STXBP5L: variants seen among roughly 807,000 people sequenced by gnomAD.
The protein encoded by STXBP5L is syntaxin-binding protein 5-like.
In STXBP5L, 65 loss-of-function variants were observed where a neutral mutation model predicts 144.5. The ratio of observed to expected loss-of-function variants is 0.45; its 90% CI spans 0.37 to 0.55. STXBP5L has a LOEUF of 0.55. STXBP5L is among the 20% of genes least tolerant of loss of function. STXBP5L has a pLI of 0.00. For missense variants in STXBP5L, 1,298 were observed against 1,405.5 expected (o/e 0.92, Z 1.22); for synonymous variants, 505 against 469.6 (o/e 1.08, Z -0.97).
chr3:121,216,507 C>T (rs1251937076), intron 10 of STXBP5L, among the ~76,000 whole-genome samples: 10 of 152,138 alleles, frequency 6.6e-5, no homozygotes, highest in Non-Finnish European at 1.5e-4. Flanking sequence ...GTTATCACCA[C>T]GGGAGTCTGC....
intron 10 of STXBP5L, among the ~76,000 whole-genome samples, chr3:121,220,828 A>G (rs992369657): frequency 3.3e-5 from 5 of 152,044 alleles, no homozygotes; most frequent in Admixed American, 6.6e-5. Context: ...TTTAATCTGC[A>G]TTAATCCCAG....
At chr3:121,349,416 G>GA (rs537536115) in intron 20 of STXBP5L, among the ~76,000 whole-genome samples, 14,398 of 150,770 alleles carry the variant, frequency 0.095, 1,099 homozygotes, top group Admixed American at 0.19. Context: ...GTGTGGTGCT[G>GA]AGAAGAATGT....
At chr3:121,084,469 G>A (rs1351846819) in intron 5 of STXBP5L, among the ~76,000 whole-genome samples, 4 of 152,122 alleles carry the variant, frequency 2.6e-5, no homozygotes, top group African/African-American at 9.7e-5. Flanking sequence ...TTGGTTTTCT[G>A]TTCCTGTGAT....
At chr3:120,982,691 G>A (rs983745768) in intron 3 of STXBP5L, among the ~76,000 whole-genome samples, 1 of 152,190 alleles carries the variant, frequency 6.6e-6, no homozygotes, top group East Asian at 1.9e-4. Context: ...GTATATAGAG[G>A]GGGAGTGGCT....
At chr3:121,119,592 A>G (rs939205998) in intron 6 of STXBP5L, among the ~76,000 whole-genome samples, 2 of 151,284 alleles carry the variant, frequency 1.3e-5, no homozygotes, top group African/African-American at 2.4e-5. Context: ...TGATAATTCT[A>G]TCTAAAGAAT....
chr3:121,106,491 C>T (rs577926216), intron 5 of STXBP5L, among the ~76,000 whole-genome samples: 10 of 152,138 alleles, frequency 6.6e-5, no homozygotes, highest in African/African-American at 9.6e-5. Flanking sequence ...TGAGAACATG[C>T]GGTGTTTGGT....
At chr3:121,011,926 C>T (rs1045701536) in intron 3 of STXBP5L, among the ~76,000 whole-genome samples, 4 of 151,770 alleles carry the variant, frequency 2.6e-5, no homozygotes, top group African/African-American at 9.7e-5. Context: ...TCCATCACTC[C>T]AGAAAGAAAC....
intron 3 of STXBP5L, among the ~76,000 whole-genome samples, chr3:120,960,899 T>A (rs1365884467): frequency 6.6e-6 from 1 of 152,078 alleles, no homozygotes; most frequent in Non-Finnish European, 1.5e-5. Flanking sequence ...CCCTAAAACT[T>A]AAAGTATAAT....
At chr3:121,374,461 GA>G (rs1328328593) in intron 20 of STXBP5L, among the ~76,000 whole-genome samples, 1 of 150,350 alleles carries the variant, frequency 6.7e-6, no homozygotes, top group Non-Finnish European at 1.5e-5. Context: ...GACCCCAAAG[GA>G]AAAAAAAGAT....
At chr3:121,186,923 G>A (rs1421567151) in intron 9 of STXBP5L, among the ~76,000 whole-genome samples, 2 of 152,122 alleles carry the variant, frequency 1.3e-5, no homozygotes, top group Non-Finnish European at 2.9e-5. Context: ...AACAGGTGCT[G>A]GAGAGGATGT....
intron 3 of STXBP5L, among the ~76,000 whole-genome samples, chr3:121,001,094 A>G (rs986752755): frequency 2.0e-5 from 3 of 152,212 alleles, no homozygotes; most frequent in Non-Finnish European, 4.4e-5. Flanking sequence ...TGGCAACATG[A>G]TCCATGCCCA....
intron 18 of STXBP5L, among the ~76,000 whole-genome samples, chr3:121,267,758 A>T (rs913313571): frequency 3.3e-5 from 5 of 152,222 alleles, no homozygotes; most frequent in African/African-American, 1.2e-4. Flanking sequence ...ATAGGAACAG[A>T]CACTTCTCAA....
chr3:121,029,576 C>A (rs59885302), intron 3 of STXBP5L, among the ~76,000 whole-genome samples: 4 of 152,036 alleles, frequency 2.6e-5, no homozygotes, highest in African/African-American at 9.7e-5. Flanking sequence ...ACCATGAAAA[C>A]CCTAGAGGAA....
chr3:121,120,467 A>G (rs542840114), intron 6 of STXBP5L, among the ~76,000 whole-genome samples: 1 of 151,440 alleles, frequency 6.6e-6, no homozygotes, highest in South Asian at 2.1e-4. Flanking sequence ...CAATCATAAT[A>G]CATACTATTT....
intron 5 of STXBP5L, among the ~76,000 whole-genome samples, chr3:121,069,926 G>A (rs1424476980): frequency 6.6e-6 from 1 of 152,076 alleles, no homozygotes. Flanking sequence ...TTTGATGTAG[G>A]CATTTAATGC....
chr3:121,109,220 A>T (rs796759242), intron 5 of STXBP5L, among the ~76,000 whole-genome samples: 13 of 151,686 alleles, frequency 8.6e-5, no homozygotes, highest in African/African-American at 3.1e-4. Context: ...AGGGTTTTTC[A>T]TGTCTCTATC....
intron 20 of STXBP5L, among the ~76,000 whole-genome samples, chr3:121,342,482 A>T (rs2108586028): frequency 6.7e-6 from 1 of 149,932 alleles, no homozygotes; most frequent in East Asian, 2.0e-4. Flanking sequence ...TATCTCCCAC[A>T]GCTATCCTTC....
chr3:121,096,059 A>G (rs1476932200), intron 5 of STXBP5L, among the ~76,000 whole-genome samples: 2 of 152,014 alleles, frequency 1.3e-5, no homozygotes, highest in Admixed American at 6.6e-5. Flanking sequence ...GGGTGAGGCG[A>G]TGCCTCACCT....
intron 5 of STXBP5L, among the ~76,000 whole-genome samples, chr3:121,070,122 G>A (rs1223362094): frequency 3.9e-5 from 6 of 152,182 alleles, no homozygotes; most frequent in Admixed American, 2.6e-4. Context: ...GGTGATCACC[G>A]GCTCAGCCGG....
Sources: allele counts gnomAD v4.1 joint callset (sites outside exome capture counted in the v4.1 genomes callset), GRCh38; gene constraint gnomAD v4.1.1; transcripts MANE v1.5; gene names NCBI Gene and HGNC (gene_info 2026-07-23, HGNC 2026-07-21).